Variants in COL25A1 observed in about 807,000 individuals in gnomAD.
The protein encoded by COL25A1 is collagen alpha-1(XXV) chain.
In COL25A1, 103 loss-of-function variants were observed where a neutral mutation model predicts 128.4. The ratio of observed to expected loss-of-function variants is 0.80; its 90% confidence interval spans 0.68 to 0.94. The LOEUF is 0.94. COL25A1 is among the 40% of genes least tolerant of loss of function. The probability of loss-of-function intolerance (pLI) is 0.00; values close to 1 mark genes in which losing one functional copy is unlikely to be tolerated. For synonymous variants in COL25A1, 279 were observed against 277.2 expected (o/e 1.01, Z -0.06); for missense variants, 745 against 840.0 (o/e 0.89, Z 1.40).
At chr4:108,986,406 A>G (rs1753675585) in intron 6 of COL25A1, among the ~76,000 whole-genome samples, 1 of 152,228 alleles carries the variant, frequency 6.6e-6, no homozygotes, top group Non-Finnish European at 1.5e-5. Flanking sequence ...ACTTCTTGAT[A>G]TAATGAACTA....
At chr4:109,271,135 A>G (rs998639386) in intron 3 of COL25A1, among the ~76,000 whole-genome samples, 1 of 152,002 alleles carries the variant, frequency 6.6e-6, no homozygotes, top group Non-Finnish European at 1.5e-5. Context: ...AATAATCAAG[A>G]TTCTTTTTGC....
chr4:108,818,365 GAAT>G (rs1438952572), intron 36 of COL25A1, among the ~76,000 whole-genome samples: 1 of 151,836 alleles, frequency 6.6e-6, no homozygotes, highest in African/African-American at 2.4e-5. Context: ...TATACCTGAA[GAAT>G]AATATAAGAA....
At chr4:109,202,252 A>C (rs182036399) in intron 3 of COL25A1, among the ~76,000 whole-genome samples, 1 of 152,192 alleles carries the variant, frequency 6.6e-6, no homozygotes, top group African/African-American at 2.4e-5. Flanking sequence ...AATGTAGTAC[A>C]GGCAAAAGAA....
chr4:108,977,754 A>G (rs890494498), intron 6 of COL25A1, among the ~76,000 whole-genome samples: 8 of 152,226 alleles, frequency 5.3e-5, no homozygotes, highest in African/African-American at 1.9e-4. Flanking sequence ...GAGAAGCTAA[A>G]TAGCCTAGTG....
intron 11 of COL25A1, among the ~76,000 whole-genome samples, chr4:108,924,935 T>C (rs1266999687): frequency 1.3e-5 from 2 of 152,176 alleles, no homozygotes; most frequent in African/African-American, 4.8e-5. Flanking sequence ...TTAGGTGCCC[T>C]TCTTTTGTTC....
intron 8 of COL25A1, among the ~76,000 whole-genome samples, chr4:108,963,214 A>C (rs2125972975): frequency 6.6e-6 from 1 of 152,308 alleles, no homozygotes; most frequent in African/African-American, 2.4e-5. Flanking sequence ...CACCATTAAA[A>C]TCTGCTGTTT....
chr4:108,917,446 A>G (rs1745005671), intron 13 of COL25A1, among the ~76,000 whole-genome samples: 1 of 152,144 alleles, frequency 6.6e-6, no homozygotes, highest in African/African-American at 2.4e-5. Flanking sequence ...GCTCCTGACA[A>G]ACCGGCTCAG....
At chr4:109,196,121 T>C (rs911504650) in intron 3 of COL25A1, among the ~76,000 whole-genome samples, 1 of 152,180 alleles carries the variant, frequency 6.6e-6, no homozygotes, top group Non-Finnish European at 1.5e-5. Flanking sequence ...CTGTGCGCTG[T>C]ACACAAGTGG....
intron 3 of COL25A1, among the ~76,000 whole-genome samples, chr4:109,215,593 C>G (rs868038706): frequency 1.1e-4 from 17 of 152,076 alleles, no homozygotes; most frequent in Non-Finnish European, 2.1e-4. Flanking sequence ...GCCTTGAGAT[C>G]AGGAGGAAAG....
At chr4:108,850,768 C>T (rs1735674967) in intron 26 of COL25A1, among the ~76,000 whole-genome samples, 1 of 152,034 alleles carries the variant, frequency 6.6e-6, no homozygotes, top group African/African-American at 2.4e-5. Context: ...AGAGTAGAGG[C>T]TCAAAAATTA....
chr4:108,843,173 GGAA>G (rs1220431574), intron 30 of COL25A1, among the ~76,000 whole-genome samples: 1 of 140,044 alleles, frequency 7.1e-6, no homozygotes, highest in African/African-American at 2.6e-5. Flanking sequence ...AAAAAAAAGA[GGAA>G]GAAGAAGAAA....
intron 3 of COL25A1, among the ~76,000 whole-genome samples, chr4:109,233,702 A>G (rs1231988319): frequency 1.3e-5 from 2 of 152,204 alleles, no homozygotes; most frequent in African/African-American, 4.8e-5. Flanking sequence ...ATTGTGAAGA[A>G]TGACTAATAA....
chr4:109,126,853 C>T (rs895193409), intron 3 of COL25A1, among the ~76,000 whole-genome samples: 1 of 150,948 alleles, frequency 6.6e-6, no homozygotes, highest in African/African-American at 2.4e-5. Flanking sequence ...CACATGTATA[C>T]ATATGTAACT....
intron 3 of COL25A1, among the ~76,000 whole-genome samples, chr4:109,120,844 T>C (rs1320590523): frequency 1.3e-5 from 2 of 151,770 alleles, no homozygotes; most frequent in African/African-American, 4.8e-5. Context: ...AAACAATTAT[T>C]ATTTACATTA....
chr4:109,044,593 G>A (rs1424640282), intron 5 of COL25A1, among the ~76,000 whole-genome samples: 1 of 152,076 alleles, frequency 6.6e-6, no homozygotes, highest in East Asian at 1.9e-4. Context: ...TAATCTGTCT[G>A]TACACATGAA....
intron 3 of COL25A1, among the ~76,000 whole-genome samples, chr4:109,124,998 A>G (rs1365308214): frequency 6.6e-6 from 1 of 152,090 alleles, no homozygotes; most frequent in Admixed American, 6.6e-5. Context: ...CAGAATTTAA[A>G]AACAGAAAAC....
chr4:109,119,391 A>G (rs906480477), intron 3 of COL25A1, among the ~76,000 whole-genome samples: 1 of 151,970 alleles, frequency 6.6e-6, no homozygotes, highest in African/African-American at 2.4e-5. Context: ...AATAGAGAAA[A>G]TCGGCAAAAC....
intron 5 of COL25A1, among the ~76,000 whole-genome samples, chr4:109,043,425 C>T (rs979079931): frequency 4.6e-5 from 7 of 151,978 alleles, no homozygotes; most frequent in African/African-American, 7.2e-5. Flanking sequence ...GGGTTCAAAC[C>T]GAGCTGACAA....
At position 109,080,411 on chromosome 4, in the gene COL25A1, T is replaced by C. The variant is rs998830368; in HGVS notation, c.368-30232A>G. 1.2e-4 allele frequency among the ~76,000 whole-genome samples: 18 copies of C among 152,068 alleles called. 1 individual carries two copies. Among genetic ancestry groups the C allele is most frequent in the Admixed American group, 1.2e-3 (18 of 15,256 alleles). ...AGGTTAATCCTAATAGAAAAAAATA[T>C]TAAATTACATAAGAAGCAAGGGATA... On this transcript the variant is annotated intron_variant, in intron 3 of 37. Transcript: ENST00000399132.
Sources: allele counts gnomAD v4.1 joint callset (sites outside exome capture counted in the v4.1 genomes callset), GRCh38; gene constraint gnomAD v4.1.1; transcripts MANE v1.5; gene names NCBI Gene and HGNC (gene_info 2026-07-23, HGNC 2026-07-21).